The following CEP170 variants were observed in gnomAD, a reference collection of about 807,000 sequenced individuals.
CEP170 encodes the protein centrosomal protein 170.
Under a neutral mutation model 151.9 loss-of-function variants are expected in CEP170, and 21 were observed. The ratio of observed to expected loss-of-function variants is 0.14; its 90% CI spans 0.10 to 0.20. The LOEUF is 0.20. Ranked by LOEUF, CEP170 falls within the 10% of genes least tolerant of loss-of-function variation. CEP170 has a pLI of 1.00. For synonymous variants in CEP170, 356 were observed against 648.8 expected, an observed-to-expected ratio of 0.55 and a Z score of 6.86; for missense variants, 964 against 1,892.9, an observed-to-expected ratio of 0.51 and a Z score of 9.11.
rs1174762559 is a variant in CEP170, at chr1:243,222,429, TTCTC to T, written c.106-620_106-617del. ...TTGCTTTTAAGTTTCTTTTAAAGTT[TTCTC>T]TCTCTCTGTCTCTCTCCAGAGCTTA... is the stretch of plus-strand genomic sequence containing the variant. On this transcript the variant is annotated intron_variant, in intron 2 of 19. Coordinates refer to ENST00000366542, the MANE Select transcript of CEP170 (RefSeq NM_014812.3). Among the ~76,000 whole-genome samples, 15 of 152,306 alleles carry T rather than the reference TTCTC, an allele frequency of 9.8e-5. No individual in the cohort carries two copies. The East Asian group carries it at 1.4e-3, about 14-fold the overall frequency.
chr1:243,155,662 A>AT (rs908149755), intron 14 of CEP170, among the ~76,000 whole-genome samples: 1 of 151,840 alleles, frequency 6.6e-6, no homozygotes, highest in Non-Finnish European at 1.5e-5. Context: ...TGCAGCATAA[A>AT]TTTTTTTTGT....
At chr1:243,183,674 G>A (rs977400962) in intron 10 of CEP170, among the ~76,000 whole-genome samples, 1 of 152,016 alleles carries the variant, frequency 6.6e-6, no homozygotes, top group African/African-American at 2.4e-5. Context: ...AGTGAGCTTT[G>A]TTCTTCCCAG....
At position 243,242,693 on chromosome 1, in the gene CEP170, A is replaced by T. The variant is rs188005369; in HGVS notation, c.-42+12347T>A. 4.6e-5 allele frequency among the ~76,000 whole-genome samples: 7 copies of T among 151,752 alleles called. No individual in the cohort carries two copies. In the East Asian group the frequency reaches 1.4e-3, roughly 30 times the overall value. ...TTGTTCATGCCTCTCCAATTTATAA[A>T]TTTTGAATCCTTTTTTTTTTTCTCC... On this transcript the variant is annotated intron_variant, in intron 1 of 19. Coordinates refer to ENST00000366542, the MANE Select transcript of CEP170 (RefSeq NM_014812.3).
intron 17 of CEP170, among the ~76,000 whole-genome samples, chr1:243,134,691 G>A (rs954261839): frequency 3.6e-5 from 5 of 137,990 alleles, no homozygotes; most frequent in African/African-American, 1.4e-4. Flanking sequence ...TTTTAATCTC[G>A]CTTTGTGGCT....
intron 1 of CEP170, among the ~76,000 whole-genome samples, chr1:243,241,333 T>C (rs988535488): frequency 5.9e-5 from 9 of 152,328 alleles, no homozygotes; most frequent in Middle Eastern, 3.4e-3. Context: ...TATAAAACAA[T>C]GTTAACGACA....
Position 243,221,764 on chromosome 1 carries a change from G to T in CEP170, c.155C>A (p.Thr52Lys). ...QHAVINYDAS[T>K]DEHLVKDLGS... is the part of the protein sequence containing the mutation. ...CAAATCCTTCACTAAATGCTCATCC[G>T]TAGACGCATCATAGTTGATGACAGC... is the stretch of plus-strand genomic sequence containing the variant. The change falls in exon 3 of 20, where the codon ACG (threonine) becomes AAG (lysine). Residue 52 changes from threonine (T) to lysine (K), a missense_variant. Transcript: ENST00000366542. 2 of 1,612,980 alleles carry T rather than the reference G, an allele frequency of 1.2e-6. No individual in the cohort carries two copies. Among genetic ancestry groups the T allele is most frequent in the African/African-American group, 1.3e-5 (1 of 74,998 alleles).
chr1:243,243,832 C>T (rs2065097472), intron 1 of CEP170, among the ~76,000 whole-genome samples: 2 of 151,944 alleles, frequency 1.3e-5, no homozygotes, highest in African/African-American at 4.8e-5. Context: ...GTCCATCATT[C>T]CTCTTTAAAA....
intron 3 of CEP170, among the ~76,000 whole-genome samples, chr1:243,214,372 GC>G (rs912888321): frequency 7.5e-6 from 1 of 132,472 alleles, no homozygotes; most frequent in African/African-American, 2.9e-5. Context: ...TACAACTTCT[GC>G]CTCCCAGGTT....
At chr1:243,131,312 C>T (rs190312840) in intron 17 of CEP170, among the ~76,000 whole-genome samples, 2 of 151,942 alleles carry the variant, frequency 1.3e-5, no homozygotes, top group East Asian at 1.9e-4. Flanking sequence ...GGCAACATGG[C>T]GAGACCTCGT....
chr1:243,251,392 C>A (rs933440178), intron 1 of CEP170, among the ~76,000 whole-genome samples: 1 of 152,002 alleles, frequency 6.6e-6, no homozygotes, highest in Non-Finnish European at 1.5e-5. Flanking sequence ...TGGCTTTAGC[C>A]AAAAAGACAA....
At chr1:243,215,416 G>T (rs569458402) in intron 3 of CEP170, among the ~76,000 whole-genome samples, 1 of 152,132 alleles carries the variant, frequency 6.6e-6, no homozygotes, top group African/African-American at 2.4e-5. Context: ...CCTTTTCTCA[G>T]CAAGGAACAG....
intron 14 of CEP170, among the ~76,000 whole-genome samples, chr1:243,146,423 A>G (rs943508466): frequency 2.6e-5 from 4 of 152,218 alleles, no homozygotes; most frequent in African/African-American, 9.6e-5. Flanking sequence ...GAAGAGCCAT[A>G]TTATTTTTAA....
At chr1:243,245,545 C>G (rs2065297156) in intron 1 of CEP170, among the ~76,000 whole-genome samples, 1 of 152,068 alleles carries the variant, frequency 6.6e-6, no homozygotes, top group African/African-American at 2.4e-5. Context: ...GAAACCCCGT[C>G]TCTACTAAAA....
At chr1:243,174,449 CTAGACA>C (rs1390162321) in intron 10 of CEP170, among the ~76,000 whole-genome samples, 1 of 151,628 alleles carries the variant, frequency 6.6e-6, no homozygotes, top group Admixed American at 6.6e-5. Flanking sequence ...AAACTATTTT[CTAGACA>C]TAAAGTTTTA....
intron 1 of CEP170, among the ~76,000 whole-genome samples, chr1:243,244,252 A>T (rs1429766050): frequency 6.6e-6 from 1 of 152,134 alleles, no homozygotes; most frequent in Non-Finnish European, 1.5e-5. Flanking sequence ...GTATATGAGT[A>T]GTCATTGTGA....
At chr1:243,154,911 C>A (rs1339564870) in intron 14 of CEP170, among the ~76,000 whole-genome samples, 1 of 152,106 alleles carries the variant, frequency 6.6e-6, no homozygotes, top group Non-Finnish European at 1.5e-5. Flanking sequence ...GACATACAGG[C>A]ACCACTGGAT....
intron 13 of CEP170, among the ~76,000 whole-genome samples, chr1:243,160,861 A>G (rs1196958435): frequency 6.6e-6 from 1 of 152,174 alleles, no homozygotes; most frequent in Non-Finnish European, 1.5e-5. Context: ...GACTGCAAAC[A>G]GTCTCAAAAA....
At chr1:243,208,470 A>G (rs2061564260) in intron 4 of CEP170, among the ~76,000 whole-genome samples, 1 of 152,078 alleles carries the variant, frequency 6.6e-6, no homozygotes, top group Non-Finnish European at 1.5e-5. Flanking sequence ...TCTGACTCCT[A>G]ATATACTCAT....
In CEP170 at chr1:243,164,645, T is replaced by C. The variant is rs202240379; in HGVS notation, c.3315A>G (p.Arg1105=). Residue 1105 remains arginine, a synonymous_variant, in exon 13 of 20, where the codon AGA becomes AGG. Coordinates refer to ENST00000366542, the MANE Select transcript of CEP170 (RefSeq NM_014812.3). ...TGTCTGAAGCTTCACCAAGTCGTGCTCTGCGCAAGAGGGAAGTCCTGGTAG... is the reference window on the plus strand; with the variant it reads ...TGTCTGAAGCTTCACCAAGTCGTGCCCTGCGCAAGAGGGAAGTCCTGGTAG... The part of the protein sequence containing the change: ...PRPTRTSLLR[R]ARLGEASDSE... 6.2e-6 allele frequency: 10 copies of C among 1,613,824 alleles called. No homozygotes were observed. Among genetic ancestry groups the C allele is most frequent in the South Asian group, 1.1e-5 (1 of 91,078 alleles).
Sources: allele counts gnomAD v4.1 joint callset (sites outside exome capture counted in the v4.1 genomes callset), GRCh38; gene constraint gnomAD v4.1.1; transcripts MANE v1.5; gene names NCBI Gene and HGNC (gene_info 2026-07-23, HGNC 2026-07-21).